The following INPP4B variants were observed in gnomAD, a reference collection of about 807,000 sequenced individuals.
The protein encoded by INPP4B is inositol polyphosphate 4-phosphatase type II.
A neutral mutation model predicts 122.5 loss-of-function variants in INPP4B; 55 were observed. That is an observed-to-expected ratio of 0.45 (90% confidence interval 0.36 to 0.56). The LOEUF (loss-of-function observed/expected upper bound fraction) is 0.56, where lower values mean the gene tolerates loss of function less well. INPP4B is among the 20% of genes least tolerant of loss of function. The pLI is 0.00. For missense variants in INPP4B, 1,000 were observed against 1,097.7 expected (o/e 0.91, Z 1.26); for synonymous variants, 403 against 388.7 (o/e 1.04, Z -0.43).
At chr4:142,671,738 T>A (rs1469688729) in intron 2 of INPP4B, among the ~76,000 whole-genome samples, 1 of 152,138 alleles carries the variant, frequency 6.6e-6, no homozygotes, top group Non-Finnish European at 1.5e-5. Flanking sequence ...CATAATAAAA[T>A]TCCCATCGAA....
intron 18 of INPP4B, among the ~76,000 whole-genome samples, chr4:142,145,046 G>A (rs10519631): frequency 0.082 from 12,528 of 152,020 alleles, 652 homozygotes; most frequent in Middle Eastern, 0.16. Context: ...TCCTACTGCC[G>A]TAAAGAGATG....
chr4:142,841,133 T>C (rs1380908421), intron 1 of INPP4B, among the ~76,000 whole-genome samples: 1 of 152,044 alleles, frequency 6.6e-6, no homozygotes, highest in Non-Finnish European at 1.5e-5. Flanking sequence ...GTGGAATATG[T>C]GGTTATCTAG....
At chr4:142,536,133 AG>A (rs1196688253) in intron 2 of INPP4B, among the ~76,000 whole-genome samples, 1 of 152,224 alleles carries the variant, frequency 6.6e-6, no homozygotes, top group African/African-American at 2.4e-5. Flanking sequence ...CCCAATTTTT[AG>A]GGGGTAAGTA....
At chr4:142,733,147 C>T (rs762272352) in intron 1 of INPP4B, among the ~76,000 whole-genome samples, 19 of 152,062 alleles carry the variant, frequency 1.2e-4, no homozygotes, top group Non-Finnish European at 2.5e-4. Context: ...ATCCTGACTC[C>T]TACATATACA....
chr4:142,707,083 C>G (rs1454611838), intron 2 of INPP4B, among the ~76,000 whole-genome samples: 1 of 152,172 alleles, frequency 6.6e-6, no homozygotes. Context: ...CCACCAATCC[C>G]TGCACTGGAT....
intron 7 of INPP4B, among the ~76,000 whole-genome samples, chr4:142,391,406 C>A (rs569761367): frequency 4.6e-5 from 7 of 151,958 alleles, no homozygotes; most frequent in Non-Finnish European, 7.4e-5. Flanking sequence ...AAAAAACACA[C>A]AAAAAAATAG....
chr4:142,197,148 A>G (rs972093373), intron 14 of INPP4B, among the ~76,000 whole-genome samples: 33 of 151,660 alleles, frequency 2.2e-4, no homozygotes, highest in African/African-American at 7.2e-4. Context: ...AAAAAAAAAG[A>G]AAGTGAAAAT....
At chr4:142,634,422 C>CA (rs950269296) in intron 2 of INPP4B, among the ~76,000 whole-genome samples, 13 of 151,888 alleles carry the variant, frequency 8.6e-5, no homozygotes, top group Non-Finnish European at 1.3e-4. Context: ...ATCATAGATG[C>CA]AAAAAATACT....
At chr4:142,769,479 A>G (rs1243861324) in intron 1 of INPP4B, among the ~76,000 whole-genome samples, 2 of 152,180 alleles carry the variant, frequency 1.3e-5, no homozygotes, top group African/African-American at 2.4e-5. Context: ...CTAATTTACT[A>G]TATTATCGTT....
chr4:142,231,719 C>T (rs1452919910), intron 12 of INPP4B, among the ~76,000 whole-genome samples: 2 of 151,926 alleles, frequency 1.3e-5, no homozygotes, highest in Admixed American at 6.6e-5. Context: ...AAGTAGAGAC[C>T]GTTATGTAAG....
At chr4:142,396,563 A>C (rs1015318473) in intron 7 of INPP4B, among the ~76,000 whole-genome samples, 1 of 152,152 alleles carries the variant, frequency 6.6e-6, no homozygotes. Flanking sequence ...TAGGAAACTT[A>C]AACATGAATC....
chr4:142,251,550 T>C (rs991863224), intron 11 of INPP4B, among the ~76,000 whole-genome samples: 10 of 152,262 alleles, frequency 6.6e-5, no homozygotes, highest in South Asian at 2.1e-4. Context: ...GGGTAGACCC[T>C]TCAAAACGCT....
chr4:142,297,423 T>TAGAGGCA (rs1340420590), intron 9 of INPP4B, among the ~76,000 whole-genome samples: 2 of 152,188 alleles, frequency 1.3e-5, no homozygotes, highest in Non-Finnish European at 2.9e-5. Context: ...CAGGGCCTGG[T>TAGAGGCA]GGGAGGTGTT....
At chr4:142,037,013 ATAAT>A (rs1286294703) in intron 25 of INPP4B, among the ~76,000 whole-genome samples, 4 of 152,208 alleles carry the variant, frequency 2.6e-5, no homozygotes, top group South Asian at 2.1e-4. Context: ...ATTATGACAA[ATAAT>A]TAATCAGTAG....
intron 9 of INPP4B, among the ~76,000 whole-genome samples, chr4:142,272,229 G>A (rs1746197889): frequency 6.6e-6 from 1 of 151,958 alleles, no homozygotes. Flanking sequence ...GCATTTCTAT[G>A]AGTAGTTTAC....
intron 7 of INPP4B, among the ~76,000 whole-genome samples, chr4:142,399,136 A>G (rs1579955675): frequency 6.6e-6 from 1 of 151,894 alleles, no homozygotes; most frequent in African/African-American, 2.4e-5. Context: ...ATGAATGGGA[A>G]AAAGAGACAA....
chr4:142,308,510 T>G (rs1764266063), intron 8 of INPP4B, among the ~76,000 whole-genome samples: 1 of 152,136 alleles, frequency 6.6e-6, no homozygotes, highest in Non-Finnish European at 1.5e-5. Flanking sequence ...TCTTGTTTTC[T>G]TCACCTCAGT....
chr4:142,519,709 A>C (rs1400092457), intron 2 of INPP4B, among the ~76,000 whole-genome samples: 1 of 152,174 alleles, frequency 6.6e-6, no homozygotes, highest in Non-Finnish European at 1.5e-5. Context: ...AAGCACTCAA[A>C]GCACATAATC....
At chr4:142,740,583 T>C (rs1767759755) in intron 1 of INPP4B, among the ~76,000 whole-genome samples, 1 of 151,992 alleles carries the variant, frequency 6.6e-6, no homozygotes, top group African/African-American at 2.4e-5. Flanking sequence ...TCTTGGAACC[T>C]TGGATTTTAA....
Sources: gnomAD v4.1 joint callset for allele counts (sites outside exome capture counted in the v4.1 genomes callset) on GRCh38, gnomAD v4.1.1 for gene constraint, MANE v1.5 for transcripts, NCBI Gene and HGNC (gene_info 2026-07-23, HGNC 2026-07-21) for gene names.